FAH: variants seen among roughly 807,000 people sequenced by gnomAD.
The protein encoded by FAH is fumarylacetoacetate hydrolase.
Under a neutral mutation model 55.8 loss-of-function variants are expected in FAH, and 47 were observed. The ratio of observed to expected loss-of-function variants is 0.84; its 90% CI spans 0.67 to 1.07. The LOEUF is 1.07. Ranked by LOEUF, FAH falls within the 50% of genes least tolerant of loss-of-function variation. The pLI, the probability that FAH is intolerant of heterozygous loss-of-function variation, is 0.00. For missense variants in FAH, 495 were observed against 545.9 expected, an observed-to-expected ratio of 0.91 and a Z score of 0.93; for synonymous variants, 199 against 207.7, an observed-to-expected ratio of 0.96 and a Z score of 0.36.
In FAH at chr15:80,186,116, C is replaced by T. The variant is rs2041368452; in HGVS notation, c.1181-14C>T. The T allele has an allele frequency of 1.2e-6, 2 of 1,612,770 alleles. No homozygotes were observed. Among genetic ancestry groups the T allele is most frequent in the Non-Finnish European group, 8.5e-7 (1 of 1,178,834 alleles). ...AGCAACTTTGTGACTGATCCTTGTC[C>T]TCCTCTGTTCCAGGGTACTGCCAGG... On this transcript the variant is annotated splice_polypyrimidine_tract_variant and intron_variant, in intron 13 of 13. Transcript: ENST00000561421.
At chr15:80,178,834 C>T (rs907796661) in intron 11 of FAH, among the ~76,000 whole-genome samples, 1 of 152,040 alleles carries the variant, frequency 6.6e-6, no homozygotes, top group Non-Finnish European at 1.5e-5. Context: ...GTGATCCGCC[C>T]GCCTCAGCCT....
rs200127538 is a variant in FAH, at chr15:80,153,032, A to C, written c.-23A>C. 398 of 1,609,618 alleles carry C rather than the reference A, an allele frequency of 2.5e-4. No homozygotes were observed. The highest frequency in any genetic ancestry group is 3.2e-4 in the Non-Finnish European group (382 of 1,178,034). On this transcript the variant is annotated 5_prime_UTR_variant, in exon 1 of 14. Transcript: ENST00000561421. ...TCTCCGCACGCCACCTTAGGCCCGC[A>C]GCCGTGCCGGGTGCTCTTCAGCATG...
Position 80,168,165 on chromosome 15 carries a change from G to A in FAH, c.553+16G>A, listed in dbSNP as rs867706337. On this transcript the variant is annotated intron_variant, in intron 6 of 13. Coordinates refer to ENST00000561421, the MANE Select transcript of FAH (RefSeq NM_000137.4). The stretch of plus-strand genomic sequence containing the variant: ...CCTGATGACTGTGAGTGACCGCAGC[G>A]TCCAGGCCTTGCTGGTACCCAGCTC... 1.7e-5 allele frequency: 28 copies of A among 1,612,690 alleles called. No individual in the cohort carries two copies. The highest frequency in any genetic ancestry group is 1.7e-4 in the Middle Eastern group (1 of 6,058).
chr15:80,172,678 C>T (rs1220877105), intron 8 of FAH, among the ~76,000 whole-genome samples: 1 of 152,226 alleles, frequency 6.6e-6, no homozygotes, highest in Non-Finnish European at 1.5e-5. Flanking sequence ...GAGCTCTCAA[C>T]CCTTTGCCAT....
intron 13 of FAH, among the ~76,000 whole-genome samples, chr15:80,182,594 T>G (rs943788557): frequency 6.6e-5 from 10 of 152,258 alleles, no homozygotes; most frequent in African/African-American, 2.2e-4. Flanking sequence ...GAGCCAACCA[T>G]ATTGCAGGCA....
intron 13 of FAH, among the ~76,000 whole-genome samples, chr15:80,183,397 C>G (rs1489520178): frequency 6.6e-6 from 1 of 152,240 alleles, no homozygotes; most frequent in African/African-American, 2.4e-5. Flanking sequence ...AGGGGGTAAG[C>G]AGAGGAGCGG....
intron 9 of FAH, 89 bp downstream of exon 9, chr15:80,173,233 G>C (rs2041256646): frequency 1.9e-6 from 3 of 1,563,688 alleles, no homozygotes; most frequent in Admixed American, 1.7e-5. Context: ...CAGGCATGCA[G>C]ACCATCAGGA....
chr15:80,173,670 G>A lies in FAH; in HGVS notation c.837+526G>A. 1.3e-5 allele frequency: 3 copies of A among 239,604 alleles called. 1 individual carries two copies. The South Asian group carries it at 1.7e-4, about 13-fold the overall frequency. The allele number at this position is 239,604 out of a possible 1,614,324, so 14.8% of individuals were successfully genotyped here. The stretch of plus-strand genomic sequence containing the variant: ...TTGCAATCTGCCCCACTCCATCACT[G>A]GCAACACCTGGCCAGAGTCACCTGT... On this transcript the variant is annotated intron_variant, in intron 9 of 13. Transcript: ENST00000561421.
chr15:80,159,679 C>G, intron 2 of FAH, 77 bp from the exon 3 acceptor site: 2 of 1,579,224 alleles, frequency 1.3e-6, no homozygotes, highest in Non-Finnish European at 1.7e-6. Context: ...GGCAGGCTGG[C>G]TGGCCTTCCA....
chr15:80,171,059 A>C (rs1340714424), intron 7 of FAH, among the ~76,000 whole-genome samples: 1 of 151,754 alleles, frequency 6.6e-6, no homozygotes, highest in Middle Eastern at 3.2e-3. Context: ...TTTTTCATTA[A>C]AAAAATTTAT....
chr15:80,153,053 G>T lies in FAH; in HGVS notation c.-2G>T. On this transcript the variant is annotated 5_prime_UTR_variant, in exon 1 of 14. Transcript: ENST00000561421. Reference sequence around the variant, plus strand: ...CCGCAGCCGTGCCGGGTGCTCTTCAGCATGTCCTTCATCCCGGTGGCCGAG... The same window carrying T: ...CCGCAGCCGTGCCGGGTGCTCTTCATCATGTCCTTCATCCCGGTGGCCGAG... 1 of 1,613,206 alleles carries T rather than the reference G, an allele frequency of 6.2e-7. No homozygotes were observed. The highest frequency in any genetic ancestry group is 8.5e-7 in the Non-Finnish European group (1 of 1,179,910).
intron 1 of FAH, chr15:80,155,872 A>G (rs1480288830): frequency 4.2e-6 from 2 of 471,174 alleles, no homozygotes; most frequent in Non-Finnish European, 8.4e-6. Context: ...TATAAGAAAG[A>G]TCAAAGACTT....
intron 1 of FAH, 163 bp from the exon 2 acceptor site, chr15:80,157,897 G>A: frequency 3.0e-6 from 2 of 670,522 alleles, no homozygotes; most frequent in South Asian, 3.2e-5. Flanking sequence ...TGGCACAAGG[G>A]AGCTGGGGCA....
At chr15:80,156,081 T>G in intron 1 of FAH, 2 of 293,200 alleles carry the variant, frequency 6.8e-6, no homozygotes, top group South Asian at 6.2e-5. Flanking sequence ...GAGCAGAGTG[T>G]TCCCTGACTC....
intron 5 of FAH, 56 bp downstream of exon 5, chr15:80,162,392 C>A (rs765519918): frequency 2.0e-6 from 3 of 1,487,804 alleles, no homozygotes; most frequent in African/African-American, 1.4e-5. Flanking sequence ...TCATTTCCAG[C>A]AGCATATTTG....
chr15:80,155,980 A>T, intron 1 of FAH: 1 of 472,638 alleles, frequency 2.1e-6, no homozygotes, highest in South Asian at 1.5e-5. Flanking sequence ...GAGCGTGACC[A>T]TTGAAGCACA....
intron 7 of FAH, among the ~76,000 whole-genome samples, chr15:80,171,892 A>G (rs571309706): frequency 1.7e-4 from 26 of 152,270 alleles, no homozygotes; most frequent in African/African-American, 5.8e-4. Context: ...GATGCACTGA[A>G]GGGAGGGGAG....
chr15:80,180,015 G>A (rs2041315749), intron 11 of FAH, 109 bp from the exon 12 acceptor site: 2 of 809,650 alleles, frequency 2.5e-6, no homozygotes, highest in Non-Finnish European at 4.2e-6. Context: ...GGGGACCGGG[G>A]AAAGGCCAGG....
chr15:80,173,013 G>A lies in FAH; in HGVS notation c.707-1G>A, dbSNP rs149052294. On this transcript the variant is annotated splice_acceptor_variant, in intron 8 of 13. Transcript: ENST00000561421. LOFTEE classifies it high-confidence loss of function. ...GTCCTGGCTGTGCCCTTCTTCTGCA[G>A]CACGAGACATTCAGAAGTGGGAGTA... is the stretch of plus-strand genomic sequence containing the variant. 5.0e-6 allele frequency: 8 copies of A among 1,614,106 alleles called. No homozygotes were observed. In the African/African-American group the frequency reaches 8.0e-5, roughly 16 times the overall value.
Sources: allele counts gnomAD v4.1 joint callset (sites outside exome capture counted in the v4.1 genomes callset), GRCh38; gene constraint gnomAD v4.1.1; transcripts MANE v1.5; gene names NCBI Gene and HGNC (gene_info 2026-07-23, HGNC 2026-07-21).